The following DNAJC15 variants were observed in gnomAD, a reference collection of about 807,000 sequenced individuals.
DNAJC15 encodes DnaJ heat shock protein family (Hsp40) member C15.
DNAJC15 carries 27 observed loss-of-function variants against 22.4 expected under a neutral mutation model. The ratio of observed to expected loss-of-function variants is 1.20; its 90% CI spans 0.89 to 1.66. DNAJC15 has a LOEUF of 1.66. DNAJC15 is among the 40% of genes most tolerant of loss of function. The pLI is 0.00. For synonymous variants in DNAJC15, 79 were observed against 63.2 expected (o/e 1.25, Z -1.19); for missense variants, 208 against 187.1 (o/e 1.11, Z -0.65).
chr13:43,035,091 C>T (rs914748851), intron 1 of DNAJC15, among the ~76,000 whole-genome samples: 32 of 152,138 alleles, frequency 2.1e-4, no homozygotes, highest in African/African-American at 6.8e-4. Context: ...TCTTGGTACA[C>T]GTGGCTGCTG....
At chr13:43,091,888 A>G (rs1422364047) in intron 5 of DNAJC15, among the ~76,000 whole-genome samples, 2 of 152,230 alleles carry the variant, frequency 1.3e-5, no homozygotes, top group African/African-American at 4.8e-5. Context: ...CCATTTGGGA[A>G]GAGAACATAC....
Position 43,085,802 on chromosome 13 carries a change from C to G in DNAJC15, c.346C>G (p.His116Asp). Residue 116 changes from histidine to aspartate, a missense_variant, in exon 5 of 6, where the codon CAT (histidine) becomes GAT (aspartate). His to Asp is a moderately conservative substitution (Grantham distance 81, BLOSUM62 -1). Transcript: ENST00000379221. ...SAGKAKIRTA[H>D]RRVMILNHPD... The stretch of plus-strand genomic sequence containing the variant: ...TGGCAAGGCTAAGATTAGAACAGCT[C>G]ATAGGAGAGTCATGATTTTGAATCA... The G allele has an allele frequency of 6.2e-7, 1 of 1,613,634 alleles. No homozygotes were observed. The highest frequency in any genetic ancestry group is 1.3e-5 in the African/African-American group (1 of 75,022).
chr13:43,095,089 T>C (rs1447393658), intron 5 of DNAJC15, among the ~76,000 whole-genome samples: 1 of 152,134 alleles, frequency 6.6e-6, no homozygotes, highest in Non-Finnish European at 1.5e-5. Flanking sequence ...TACTCCATCA[T>C]AACCAAAAGC....
Position 43,113,671 on chromosome 13 carries a change from T to C in DNAJC15, c.*6423T>C, listed in dbSNP as rs1593337525. ...TAACTCAGTGATCTTTCCATTTATC[T>C]ATTCTTGGATTAGTGGTGCCTTTGC... On this transcript the variant is annotated 3_prime_UTR_variant, in exon 6 of 6. Coordinates refer to ENST00000379221, the MANE Select transcript of DNAJC15 (RefSeq NM_013238.3). 2 of 152,204 alleles carry C rather than the reference T, an allele frequency of 1.3e-5. No individual in the cohort carries two copies. The highest frequency in any genetic ancestry group is 3.9e-4 in the East Asian group (2 of 5,160). The allele number at this position is 152,204 out of a possible 1,614,324, so 9.4% of individuals were successfully genotyped here. A position where few individuals can be genotyped will look rare whatever the true frequency, so the allele number is the denominator to read the frequency against.
In DNAJC15 at chr13:43,110,852, A is replaced by G. The variant is rs2040821390; in HGVS notation, c.*3604A>G. ...TTTTCACCAGCCACACCCTCCCCCC[A>G]ACTCCTTATCTGTAAAAAGCTTATT... is the stretch of plus-strand genomic sequence containing the variant. On this transcript the variant is annotated 3_prime_UTR_variant, in exon 6 of 6. Transcript: ENST00000379221. 6.6e-6 allele frequency: 1 copy of G among 152,164 alleles called. No individual in the cohort carries two copies. The highest frequency in any genetic ancestry group is 1.5e-5 in the Non-Finnish European group (1 of 68,022). 9.4% of individuals were successfully genotyped at this position (152,164 alleles called of 1,614,324 possible).
intron 3 of DNAJC15, among the ~76,000 whole-genome samples, chr13:43,077,813 TGTTA>T (rs2153441313): frequency 6.6e-6 from 1 of 152,328 alleles, no homozygotes; most frequent in African/African-American, 2.4e-5. Context: ...ATCAAGGAAA[TGTTA>T]GTTCTGTTTT....
chr13:43,073,830 C>G (rs562710748), intron 3 of DNAJC15, among the ~76,000 whole-genome samples: 43 of 151,084 alleles, frequency 2.8e-4, no homozygotes, highest in Middle Eastern at 3.4e-3. Context: ...TCAGTCTGCT[C>G]TTTTGAACAA....
At position 43,107,538 on chromosome 13, in the gene DNAJC15, C is replaced by G. The variant is rs1353020274; in HGVS notation, c.*290C>G. 5.4e-6 allele frequency: 1 copy of G among 186,182 alleles called. No individual in the cohort carries two copies. The highest frequency in any genetic ancestry group is 1.1e-5 in the Non-Finnish European group (1 of 90,816). 11.5% of individuals were successfully genotyped at this position (186,182 alleles called of 1,614,324 possible). A position where few individuals can be genotyped will look rare whatever the true frequency, so the allele number is the denominator to read the frequency against. ...GAATTCCCCCCTACACACACACACA[C>G]ACACACACACACACACACGTGCAAA... On this transcript the variant is annotated 3_prime_UTR_variant, in exon 6 of 6. Transcript: ENST00000379221.
chr13:43,098,807 T>C (rs958589912), intron 5 of DNAJC15, among the ~76,000 whole-genome samples: 1 of 152,216 alleles, frequency 6.6e-6, no homozygotes, highest in Admixed American at 6.5e-5. Context: ...GTAGTAAGTT[T>C]TAATATTGTG....
At chr13:43,024,747 G>A (rs956813404) in intron 1 of DNAJC15, among the ~76,000 whole-genome samples, 1 of 151,774 alleles carries the variant, frequency 6.6e-6, no homozygotes, top group Non-Finnish European at 1.5e-5. Context: ...CAGTTGCATG[G>A]TAATTTTCAA....
At chr13:43,045,215 C>CA (rs1447466421) in intron 1 of DNAJC15, among the ~76,000 whole-genome samples, 4 of 152,154 alleles carry the variant, frequency 2.6e-5, no homozygotes, top group African/African-American at 9.7e-5. Context: ...ATTGCTAGTC[C>CA]AAAATCTAAG....
chr13:43,035,464 C>T (rs2040424820), intron 1 of DNAJC15, among the ~76,000 whole-genome samples: 1 of 152,116 alleles, frequency 6.6e-6, no homozygotes, highest in African/African-American at 2.4e-5. Flanking sequence ...TTAACAATCA[C>T]CACCACACTG....
chr13:43,041,936 G>T (rs1158715778), intron 1 of DNAJC15, among the ~76,000 whole-genome samples: 1 of 152,204 alleles, frequency 6.6e-6, no homozygotes, highest in Non-Finnish European at 1.5e-5. Flanking sequence ...GGATCACAAT[G>T]GAGGAGTAAG....
intron 5 of DNAJC15, among the ~76,000 whole-genome samples, chr13:43,102,109 T>A (rs1288972099): frequency 1.3e-5 from 2 of 152,216 alleles, no homozygotes; most frequent in Non-Finnish European, 2.9e-5. Flanking sequence ...TTTGATTTTT[T>A]AATTATGGCC....
chr13:43,102,601 C>T (rs2040775477), intron 5 of DNAJC15, among the ~76,000 whole-genome samples: 1 of 152,002 alleles, frequency 6.6e-6, no homozygotes, highest in African/African-American at 2.4e-5. Flanking sequence ...AAGAGAGAAA[C>T]TCCGTCTCAA....
intron 1 of DNAJC15, among the ~76,000 whole-genome samples, chr13:43,055,094 C>T (rs1230934226): frequency 4.3e-5 from 4 of 92,616 alleles, no homozygotes; most frequent in South Asian, 3.5e-4. Context: ...GGGGTGGAGA[C>T]GTCGTGGGGG....
At chr13:43,057,306 A>G (rs888430323) in intron 1 of DNAJC15, among the ~76,000 whole-genome samples, 4 of 151,938 alleles carry the variant, frequency 2.6e-5, no homozygotes, top group Non-Finnish European at 5.9e-5. Context: ...CTTTTTTTAA[A>G]TTCTTTTTTG....
chr13:43,075,891 C>G (rs181647335), intron 3 of DNAJC15, among the ~76,000 whole-genome samples: 10 of 152,210 alleles, frequency 6.6e-5, no homozygotes, highest in Middle Eastern at 3.4e-3. Flanking sequence ...CTCTAACTGA[C>G]CTGAGGTGAT....
intron 1 of DNAJC15, among the ~76,000 whole-genome samples, chr13:43,049,522 G>T (rs1006191775): frequency 6.6e-6 from 1 of 152,098 alleles, no homozygotes; most frequent in African/African-American, 2.4e-5. Context: ...CATGTTAATG[G>T]AATTATCTGA....
Sources: gnomAD v4.1 joint callset for allele counts (sites outside exome capture counted in the v4.1 genomes callset) on GRCh38, gnomAD v4.1.1 for gene constraint, MANE v1.5 for transcripts, NCBI Gene and HGNC (gene_info 2026-07-23, HGNC 2026-07-21) for gene names.